The following GABPB1 variants were observed in gnomAD, a reference collection of about 807,000 sequenced individuals.
GABPB1 encodes the protein GA binding protein transcription factor subunit beta 1.
In GABPB1, 15 loss-of-function variants were observed where a neutral mutation model predicts 45.9. That is an observed-to-expected ratio of 0.33 (90% CI 0.22 to 0.50). The LOEUF is 0.50. Among genes scored for constraint, GABPB1 ranks in the 20% least tolerant of loss-of-function variants. GABPB1 has a pLI of 0.98. For synonymous variants in GABPB1, 143 were observed against 154.4 expected, an observed-to-expected ratio of 0.93 and a Z score of 0.55; for missense variants, 252 against 457.5, an observed-to-expected ratio of 0.55 and a Z score of 4.10.
chr15:50,322,983 C>T (rs2047627548), intron 1 of GABPB1, among the ~76,000 whole-genome samples: 1 of 152,074 alleles, frequency 6.6e-6, no homozygotes, highest in African/African-American at 2.4e-5. Context: ...GAGCCATGAT[C>T]GCACCACTGC....
At chr15:50,317,871 C>G (rs560819801) in intron 1 of GABPB1, among the ~76,000 whole-genome samples, 3 of 149,926 alleles carry the variant, frequency 2.0e-5, no homozygotes, top group East Asian at 2.0e-4. Context: ...ATCGCGCCAC[C>G]GCACTCCAGC....
intron 3 of GABPB1, 112 bp downstream of exon 3, chr15:50,303,854 T>G: frequency 1.3e-6 from 1 of 778,508 alleles, no homozygotes; most frequent in Non-Finnish European, 2.0e-6. Context: ...ACACAAAAAA[T>G]GAAATACTAT....
chr15:50,328,219 G>T (rs2047836357), intron 1 of GABPB1, among the ~76,000 whole-genome samples: 2 of 150,280 alleles, frequency 1.3e-5, no homozygotes. Flanking sequence ...TGGTCATCTT[G>T]CTTCATCCTA....
chr15:50,336,905 C>CATGGTGGT (rs1380633616), intron 1 of GABPB1, among the ~76,000 whole-genome samples: 1 of 150,204 alleles, frequency 6.7e-6, no homozygotes, highest in East Asian at 2.0e-4. Context: ...GCCAGCCAGG[C>CATGGTGGT]ATGGTGGTGT....
At chr15:50,301,443 A>T in intron 4 of GABPB1, 75 bp from the exon 5 acceptor site, 1 of 1,284,986 alleles carries the variant, frequency 7.8e-7, no homozygotes, top group Non-Finnish European at 1.1e-6. Context: ...TATAATACAA[A>T]CACATATAAA....
chr15:50,297,050 A>C (rs984273755), intron 6 of GABPB1, among the ~76,000 whole-genome samples: 1 of 150,940 alleles, frequency 6.6e-6, no homozygotes, highest in African/African-American at 2.4e-5. Flanking sequence ...AGCTGGGATT[A>C]CAGGCATACG....
intron 2 of GABPB1, among the ~76,000 whole-genome samples, chr15:50,305,838 A>T (rs1305792025): frequency 6.6e-6 from 1 of 151,988 alleles, no homozygotes; most frequent in Non-Finnish European, 1.5e-5. Context: ...CTGGAGTCCA[A>T]TGGGGTGATC....
chr15:50,334,824 CA>C (rs1368192516), intron 1 of GABPB1, among the ~76,000 whole-genome samples: 1 of 152,168 alleles, frequency 6.6e-6, no homozygotes, highest in Admixed American at 6.5e-5. Context: ...TCCCTATTCT[CA>C]AATTTGTCAC....
At chr15:50,301,704 G>A (rs2046753853) in intron 4 of GABPB1, among the ~76,000 whole-genome samples, 1 of 152,150 alleles carries the variant, frequency 6.6e-6, no homozygotes, top group African/African-American at 2.4e-5. Flanking sequence ...GAGGCAGAAG[G>A]AGTGGTTAAG....
At chr15:50,292,314 CAAA>C (rs762047613) in intron 6 of GABPB1, among the ~76,000 whole-genome samples, 32 of 49,564 alleles carry the variant, frequency 6.5e-4, no homozygotes, top group African/African-American at 1.5e-3. Context: ...GACTCCATCT[CAAA>C]AAAAAAAAAA....
intron 1 of GABPB1, among the ~76,000 whole-genome samples, chr15:50,337,696 G>T (rs1281306649): frequency 1.3e-5 from 2 of 152,098 alleles, no homozygotes; most frequent in African/African-American, 4.8e-5. Context: ...AGCCCAAGAA[G>T]TAGAGGCCTG....
At chr15:50,282,571 A>AC (rs1166817001) in intron 8 of GABPB1, among the ~76,000 whole-genome samples, 2 of 150,932 alleles carry the variant, frequency 1.3e-5, no homozygotes, top group African/African-American at 4.9e-5. Flanking sequence ...AAAAAAAAAA[A>AC]AAAACAGAGA....
intron 1 of GABPB1, among the ~76,000 whole-genome samples, chr15:50,340,687 T>G (rs997498620): frequency 4.6e-5 from 7 of 152,132 alleles, no homozygotes; most frequent in Non-Finnish European, 8.8e-5. Context: ...TAGTATGCTA[T>G]TATTGTGTTT....
intron 1 of GABPB1, among the ~76,000 whole-genome samples, chr15:50,326,567 C>T (rs1030102054): frequency 5.9e-5 from 9 of 151,932 alleles, no homozygotes; most frequent in Non-Finnish European, 1.0e-4. Flanking sequence ...GAGGCTGAGG[C>T]AGGAGAATCG....
intron 1 of GABPB1, chr15:50,353,106 GTTAC>G (rs952752397): frequency 1.7e-4 from 26 of 152,158 alleles, no homozygotes; most frequent in African/African-American, 6.0e-4. Flanking sequence ...GAATTCACGT[GTTAC>G]TTGTGTAAAT....
intron 1 of GABPB1, among the ~76,000 whole-genome samples, chr15:50,325,324 G>T (rs985337623): frequency 6.9e-6 from 1 of 144,152 alleles, no homozygotes; most frequent in African/African-American, 2.5e-5. Context: ...AAAAAAAAAG[G>T]CACGGCTAAA....
At position 50,317,001 on chromosome 15, in the gene GABPB1, T is replaced by A. The variant is rs543105657; in HGVS notation, c.1-7203A>T. Among the ~76,000 whole-genome samples the A allele has an allele frequency of 6.6e-5, 10 of 152,090 alleles. No individual in the cohort carries two copies. In the South Asian group the frequency reaches 2.1e-3, roughly 32 times the overall value. On this transcript the variant is annotated intron_variant, in intron 1 of 8. Transcript: ENST00000380877. ...GATCTCTAAAAGATAAAAATATTTT[T>A]AAAATAATACTATATATATTCATTT...
chr15:50,323,327 A>C (rs565756449), intron 1 of GABPB1, among the ~76,000 whole-genome samples: 21 of 152,326 alleles, frequency 1.4e-4, no homozygotes, highest in Non-Finnish European at 2.6e-4. Context: ...CATCATTTTT[A>C]GGAGCCATGA....
intron 6 of GABPB1, among the ~76,000 whole-genome samples, chr15:50,294,343 G>A (rs1271319071): frequency 2.0e-5 from 3 of 151,924 alleles, no homozygotes; most frequent in Non-Finnish European, 2.9e-5. Context: ...GTGAAACCCC[G>A]TCTCTACTAA....
Sources: gnomAD v4.1 joint callset for allele counts (sites outside exome capture counted in the v4.1 genomes callset) on GRCh38, gnomAD v4.1.1 for gene constraint, MANE v1.5 for transcripts, NCBI Gene and HGNC (gene_info 2026-07-23, HGNC 2026-07-21) for gene names.